ZNF397: variants seen among roughly 807,000 people sequenced by gnomAD.
ZNF397 encodes zinc finger and SCAN domain-containing protein 15.
Under a neutral mutation model 50.6 loss-of-function variants are expected in ZNF397, and 38 were observed. The ratio of observed to expected loss-of-function variants is 0.75; its 90% CI spans 0.58 to 0.98. The LOEUF (loss-of-function observed/expected upper bound fraction) is 0.98. Ranked by LOEUF, ZNF397 falls within the 50% of genes least tolerant of loss-of-function variation. The probability of loss-of-function intolerance (pLI) is 0.00; values close to 1 mark genes in which losing one functional copy is unlikely to be tolerated. For missense variants in ZNF397, 624 were observed against 624.1 expected (o/e 1.00, Z 0.00); for synonymous variants, 228 against 215.2 (o/e 1.06, Z -0.52).
chr18:35,258,096 C>T (rs2043902352), exon 6 of ZNF397: 2 of 719,368 alleles, frequency 2.8e-6, no homozygotes, highest in African/African-American at 3.5e-5. Flanking sequence ...CACAGTGGGC[C>T]TCTCCAACAA....
At chr18:35,257,778 T>C (rs1320943208) in intron 5 of ZNF397, 15 of 711,328 alleles carry the variant, frequency 2.1e-5, no homozygotes, top group Non-Finnish European at 7.8e-6. Flanking sequence ...GCCCCATCTC[T>C]GCGTCAAGAA....
chr18:35,248,883 A>G lies in ZNF397; in HGVS notation c.*2573A>G, dbSNP rs2043523780. Reference sequence around the variant, plus strand: ...AAAGTAAATGTAATAGATACTTGCTAAGGGCTTTGTATATACTTATTATTG... The same window carrying G: ...AAAGTAAATGTAATAGATACTTGCTGAGGGCTTTGTATATACTTATTATTG... On this transcript the variant is annotated 3_prime_UTR_variant, in exon 4 of 4. Coordinates refer to ENST00000330501, the MANE Select transcript of ZNF397 (RefSeq NM_001135178.3). The G allele has an allele frequency of 6.6e-6, 1 of 152,176 alleles. No individual in the cohort carries two copies. Among genetic ancestry groups the G allele is most frequent in the African/African-American group, 2.4e-5 (1 of 41,442 alleles). 9.4% of individuals were successfully genotyped at this position (152,176 alleles called of 1,614,324 possible).
chr18:35,243,002 A>T, intron 2 of ZNF397, 118 bp downstream of exon 2: 1 of 1,477,606 alleles, frequency 6.8e-7, no homozygotes, highest in Non-Finnish European at 9.1e-7. Flanking sequence ...TGAAGTGACT[A>T]ATAGAGCCAT....
In ZNF397 at chr18:35,245,603, C is replaced by G. The variant is rs1569044184; in HGVS notation, c.898C>G (p.Leu300Val). The G allele has an allele frequency of 1.9e-6, 3 of 1,553,932 alleles. No individual in the cohort carries two copies. The East Asian group carries it at 7.3e-5, about 38-fold the overall frequency. ...CGHSFKQHSS[L>V]TQHQRIHTGE... ...GCACAGCTTCAAGCAGCATTCCTCTCTAACACAACATCAGAGAATCCATAC... is the reference window on the plus strand; with the variant it reads ...GCACAGCTTCAAGCAGCATTCCTCTGTAACACAACATCAGAGAATCCATAC... Residue 300 changes from leucine (L) to valine (V), a missense_variant, in exon 4 of 4, where the codon CTA becomes GTA. By Grantham distance (32) the Leu-to-Val change is conservative. Transcript: ENST00000330501.
chr18:35,250,745 C>A (rs1042637833), downstream of ZNF397, among the ~76,000 whole-genome samples: 2 of 152,202 alleles, frequency 1.3e-5, no homozygotes, highest in Non-Finnish European at 2.9e-5. Context: ...CTGGTGCATA[C>A]AGCCACCTCC....
At position 35,246,480 on chromosome 18, in the gene ZNF397, C is replaced by T; in HGVS notation, c.*170C>T. On this transcript the variant is annotated 3_prime_UTR_variant, in exon 4 of 4. Transcript: ENST00000330501. ...GCTAATGTAAAGTGTCCCTTGAAAG[C>T]TTTTCCTGTGACTAATCAGAACAGA... 7.1e-7 allele frequency: 1 copy of T among 1,412,990 alleles called. No homozygotes were observed. Among genetic ancestry groups the T allele is most frequent in the Non-Finnish European group, 9.2e-7 (1 of 1,087,568 alleles). 87.5% of individuals were successfully genotyped at this position (1,412,990 alleles called of 1,614,324 possible). A position where few individuals can be genotyped will look rare whatever the true frequency, so the allele number is the denominator to read the frequency against.
rs1476702549 is a variant in ZNF397, at chr18:35,245,402, A to G, written c.697A>G (p.Lys233Glu). The G allele has an allele frequency of 6.3e-7, 1 of 1,591,166 alleles. No homozygotes were observed. The highest frequency in any genetic ancestry group is 8.6e-7 in the Non-Finnish European group (1 of 1,168,336). ...VWKQGSATGE[K>E]LRSPSQGGSF... ...GAAGCAAGGAAGTGCTACAGGGGAG[A>G]AACTAAGATCTCCTTCCCAAGGGGG... Residue 233 changes from lysine (K) to glutamate (E), a missense_variant, in exon 4 of 4, where the codon AAA becomes GAA. By Grantham distance (56) the Lys-to-Glu change is moderately conservative. Transcript: ENST00000330501.
chr18:35,242,351 T>G, intron 1 of ZNF397, 40 bp from the exon 2 acceptor site: 1 of 953,624 alleles, frequency 1.0e-6, no homozygotes, highest in East Asian at 2.4e-5. Flanking sequence ...CTTAGAGATT[T>G]TATTGATTGC....
At chr18:35,251,403 T>G (rs764470439), downstream of ZNF397, 2 of 152,160 alleles carry the variant, frequency 1.3e-5, no homozygotes, top group Non-Finnish European at 2.9e-5. Flanking sequence ...ATTTGAAAGA[T>G]CCCTTTAGAC....
At chr18:35,241,764 T>C (rs367990956) in intron 1 of ZNF397, 2 of 74,986 alleles carry the variant, frequency 2.7e-5, no homozygotes, top group East Asian at 5.3e-4. Context: ...AGCAAAAATC[T>C]TAATGCTCAG....
Position 35,245,184 on chromosome 18 carries a change from C to A in ZNF397, c.557-78C>A, listed in dbSNP as rs968018052. ...GTGACATCTTTGTAGGTAGAAGCTT[C>A]TGTTTTCTCTCATGTAGAAAGTTTT... On this transcript the variant is annotated intron_variant, in intron 3 of 3. Transcript: ENST00000330501. 2.1e-6 allele frequency: 3 copies of A among 1,453,872 alleles called. No homozygotes were observed. The African/African-American group carries it at 4.3e-5, about 21-fold the overall frequency. The allele number at this position is 1,453,872 out of a possible 1,614,324, so 90.1% of individuals were successfully genotyped here. A position where few individuals can be genotyped will look rare whatever the true frequency, so the allele number is the denominator to read the frequency against.
At chr18:35,252,289 G>A (rs554000957), downstream of ZNF397, 1 of 152,354 alleles carries the variant, frequency 6.6e-6, no homozygotes, top group East Asian at 1.9e-4. Flanking sequence ...GGGAAAGAAT[G>A]CATATCAGAG....
chr18:35,251,214 A>G (rs995976962), downstream of ZNF397: 18 of 152,324 alleles, frequency 1.2e-4, no homozygotes, highest in Non-Finnish European at 1.5e-4. Context: ...ACACTAATAG[A>G]AAGTACTCCA....
chr18:35,257,177 T>C (rs2043857685), intron 5 of ZNF397: 4 of 152,274 alleles, frequency 2.6e-5, no homozygotes, highest in Non-Finnish European at 5.9e-5. Flanking sequence ...AATTCCATCC[T>C]GTTTAGTTTA....
exon 6 of ZNF397, chr18:35,258,301 G>A: frequency 3.3e-6 from 1 of 307,290 alleles, no homozygotes; most frequent in Non-Finnish European, 6.1e-6. Flanking sequence ...GGACATTGGA[G>A]AGATAGAGTC....
chr18:35,243,559 C>A (rs1195683369), intron 3 of ZNF397: 3 of 611,658 alleles, frequency 4.9e-6, no homozygotes, highest in Admixed American at 2.9e-5. Context: ...TGTGGTAGGC[C>A]CCAGGAGAGG....
downstream of ZNF397, chr18:35,251,543 T>C (rs2043595045): frequency 6.6e-6 from 1 of 151,978 alleles, no homozygotes; most frequent in Admixed American, 6.6e-5. Flanking sequence ...CCCACCCAAA[T>C]CTCCAATAGT....
At chr18:35,257,806 C>G in intron 5 of ZNF397, 1 of 765,536 alleles carries the variant, frequency 1.3e-6, no homozygotes, top group Admixed American at 1.7e-5. Context: ...CTCTGCAGTG[C>G]AATTATGCTT....
downstream of ZNF397, chr18:35,253,284 A>C (rs9963125): frequency 9.2e-3 from 4,722 of 511,134 alleles, 168 homozygotes; most frequent in African/African-American, 0.082. Context: ...TCCATTTAAC[A>C]CTTCAATAAT....
Sources: allele counts gnomAD v4.1 joint callset (sites outside exome capture counted in the v4.1 genomes callset), GRCh38; gene constraint gnomAD v4.1.1; transcripts MANE v1.5; gene names NCBI Gene and HGNC (gene_info 2026-07-23, HGNC 2026-07-21).